The following UNC13C variants were observed in gnomAD, a reference collection of about 807,000 sequenced individuals.
The protein encoded by UNC13C is protein unc-13 homolog C.
UNC13C carries 174 observed loss-of-function variants against 245.4 expected under a neutral mutation model. The ratio of observed to expected loss-of-function variants is 0.71; its 90% confidence interval spans 0.63 to 0.80. The LOEUF is 0.80. Among genes scored for constraint, UNC13C ranks in the 30% least tolerant of loss-of-function variants. The pLI is 0.00. For synonymous variants in UNC13C, 992 were observed against 895.1 expected, an observed-to-expected ratio of 1.11 and a Z score of -1.93; for missense variants, 2,829 against 2,602.9, an observed-to-expected ratio of 1.09 and a Z score of -1.89.
chr15:53,956,906 GCATGCACACATCCA>G, the UNC13C span, among the ~76,000 whole-genome samples: 1 of 151,112 alleles, frequency 6.6e-6, no homozygotes, highest in Non-Finnish European at 1.5e-5. Context: ...GTGTGTGTGT[GCATGCACACATCCA>G]TGTGTGTAAA....
chr15:54,122,847 C>T (rs896716012), intron 2 of UNC13C, among the ~76,000 whole-genome samples: 11 of 152,010 alleles, frequency 7.2e-5, no homozygotes, highest in African/African-American at 2.4e-4. Flanking sequence ...TTTGTTTATA[C>T]ATTCATGTGT....
rs916932962 is a variant in UNC13C, at chr15:54,561,470, GT to G, written c.5958+5967del. On this transcript the variant is annotated intron_variant, in intron 29 of 32. Coordinates refer to ENST00000260323, the MANE Select transcript of UNC13C (RefSeq NM_001080534.3). ...TGGGCGTTTACAGGCTGGATAGAAA[GT>G]TTTTTTTTGGAGGAAGACTCATGAC... Among the ~76,000 whole-genome samples the G allele has an allele frequency of 6.9e-4, 105 of 151,448 alleles. 1 individual carries two copies. Among genetic ancestry groups the G allele is most frequent in the South Asian group, 2.9e-3 (14 of 4,764 alleles).
chr15:53,985,340 T>C (rs1168484542), intron 1 of UNC13C, among the ~76,000 whole-genome samples: 2 of 151,984 alleles, frequency 1.3e-5, no homozygotes, highest in African/African-American at 4.8e-5. Flanking sequence ...CTTTTTTTTT[T>C]TCTTGGTTCT....
intron 4 of UNC13C, among the ~76,000 whole-genome samples, chr15:54,144,593 A>G (rs776890653): frequency 2.0e-5 from 3 of 152,180 alleles, no homozygotes; most frequent in Non-Finnish European, 4.4e-5. Flanking sequence ...AGTTAATCCA[A>G]TTCCAGAGCC....
intron 4 of UNC13C, among the ~76,000 whole-genome samples, chr15:54,166,040 A>C (rs146810377): frequency 0.018 from 2,753 of 151,996 alleles, 45 homozygotes; most frequent in Non-Finnish European, 0.028. Flanking sequence ...ATCTTTATTA[A>C]GGTTTGTAGG....
chr15:54,181,495 GT>G (rs896388980), intron 4 of UNC13C, among the ~76,000 whole-genome samples: 1 of 144,918 alleles, frequency 6.9e-6, no homozygotes, highest in African/African-American at 2.7e-5. Context: ...GTTTGTTTTT[GT>G]TTTTTCTTCT....
chr15:53,875,960 C>T, the UNC13C span, among the ~76,000 whole-genome samples: 1 of 152,144 alleles, frequency 6.6e-6, no homozygotes, highest in Non-Finnish European at 1.5e-5. Flanking sequence ...AATTCATGTG[C>T]TATGTCAAGT....
chr15:54,484,945 T>C (rs2141070597), intron 19 of UNC13C, among the ~76,000 whole-genome samples: 1 of 152,318 alleles, frequency 6.6e-6, no homozygotes, highest in East Asian at 1.9e-4. Context: ...TATAAGATTC[T>C]GAGACATACT....
At chr15:54,252,280 C>T (rs972503521) in intron 8 of UNC13C, among the ~76,000 whole-genome samples, 4 of 152,106 alleles carry the variant, frequency 2.6e-5, no homozygotes, top group South Asian at 2.1e-4. Flanking sequence ...GCTACCCATT[C>T]GTTAAACTGT....
chr15:54,525,615 C>G lies in UNC13C; in HGVS notation c.5524C>G (p.Leu1842Val). 6.2e-7 allele frequency: 1 copy of G among 1,612,552 alleles called. No homozygotes were observed. Among genetic ancestry groups the G allele is most frequent in the Middle Eastern group, 1.7e-4 (1 of 6,058 alleles). Residue 1842 changes from leucine to valine, a missense_variant, in exon 25 of 33, where the codon CTC becomes GTC. By Grantham distance (32) the Leu-to-Val change is conservative (BLOSUM62 1). Transcript: ENST00000260323. ...QVKLSGVLDE[L>V]SVTYGESFQV... ...TAAGCTCAGTGGGGTCCTGGATGAG[C>G]TCAGCGTCACTTATGGTGAAAGGTA...
chr15:54,519,397 T>A (rs1482625142), intron 24 of UNC13C, among the ~76,000 whole-genome samples: 3 of 146,870 alleles, frequency 2.0e-5, no homozygotes, highest in Non-Finnish European at 4.4e-5. Context: ...TAAGGCAATC[T>A]TTTTTTTTCC....
At chr15:54,392,953 A>G (rs145750229) in intron 17 of UNC13C, 95 bp from the exon 18 acceptor site, 68 of 1,355,292 alleles carry the variant, frequency 5.0e-5, no homozygotes, top group Non-Finnish European at 6.3e-5. Context: ...CATTTCCACA[A>G]TCATTTTTCT....
intron 19 of UNC13C, among the ~76,000 whole-genome samples, chr15:54,455,165 C>CTCTCTCTCTCTCTCTCTCTCTCTCTA (rs1567288681): frequency 0.021 from 213 of 10,270 alleles, 36 homozygotes; most frequent in East Asian, 0.045. Flanking sequence ...AGTCATATTC[C>CTCTCTCTCTCTCTCTCTCTCTCTCTA]TCTCTCTCTC....
At chr15:54,516,994 C>T (rs1238647485) in intron 24 of UNC13C, among the ~76,000 whole-genome samples, 2 of 151,868 alleles carry the variant, frequency 1.3e-5, no homozygotes, top group Non-Finnish European at 2.9e-5. Flanking sequence ...AGGATAGTCC[C>T]AAAATAAAGG....
chr15:54,552,614 AAT>A (rs1896839098), intron 28 of UNC13C, among the ~76,000 whole-genome samples: 3 of 82,572 alleles, frequency 3.6e-5, no homozygotes, highest in African/African-American at 1.1e-4. Context: ...ATAATTATAT[AAT>A]TATATTATAT....
chr15:53,926,763 G>C, the UNC13C span, among the ~76,000 whole-genome samples: 11 of 152,246 alleles, frequency 7.2e-5, no homozygotes, highest in African/African-American at 2.6e-4. Context: ...TTTAATGCCT[G>C]AATGATTGGT....
chr15:53,890,967 T>C, the UNC13C span, among the ~76,000 whole-genome samples: 3 of 152,202 alleles, frequency 2.0e-5, no homozygotes, highest in African/African-American at 7.2e-5. Context: ...GGGTGTCAAT[T>C]TTAGATCTTT....
intron 30 of UNC13C, among the ~76,000 whole-genome samples, chr15:54,615,336 A>G (rs931918496): frequency 6.6e-6 from 1 of 152,066 alleles, no homozygotes; most frequent in Non-Finnish European, 1.5e-5. Context: ...TGATAGATGC[A>G]GTGGTCTGAA....
chr15:54,394,093 A>G (rs777886416), intron 18 of UNC13C, among the ~76,000 whole-genome samples: 22 of 151,868 alleles, frequency 1.4e-4, no homozygotes, highest in Non-Finnish European at 3.1e-4. Flanking sequence ...AAATGACTGT[A>G]TTCTTATCCT....
Sources: gnomAD v4.1 joint callset for allele counts (sites outside exome capture counted in the v4.1 genomes callset) on GRCh38, gnomAD v4.1.1 for gene constraint, MANE v1.5 for transcripts, NCBI Gene and HGNC (gene_info 2026-07-23, HGNC 2026-07-21) for gene names.